DYNC2I1: variants seen among roughly 807,000 people sequenced by gnomAD.
DYNC2I1 encodes the protein cytoplasmic dynein 2 intermediate chain 1.
In DYNC2I1, 89 loss-of-function variants were observed where a neutral mutation model predicts 133.4. The observed-to-expected ratio is 0.67, with a 90% CI of 0.56 to 0.80. DYNC2I1 has a LOEUF of 0.80. Ranked by LOEUF, DYNC2I1 falls within the 30% of genes least tolerant of loss-of-function variation. The pLI, the probability that DYNC2I1 is intolerant of heterozygous loss-of-function variation, is 0.00. For missense variants in DYNC2I1, 1,291 were observed against 1,314.5 expected (o/e 0.98, Z 0.28); for synonymous variants, 504 against 484.3 (o/e 1.04, Z -0.54).
chr7:158,955,603 C>T (rs1212308156), intron 4 of DYNC2I1, among the ~76,000 whole-genome samples: 1 of 152,218 alleles, frequency 6.6e-6, no homozygotes, highest in Non-Finnish European at 1.5e-5. Flanking sequence ...TAGGCGGAGA[C>T]ACCCAGCGCT....
intron 1 of DYNC2I1, 54 bp from the exon 2 acceptor site, chr7:158,869,801 C>A: frequency 6.8e-7 from 1 of 1,459,918 alleles, no homozygotes. Context: ...CAGCTCACTA[C>A]AACACTGAAA....
At chr7:158,936,213 C>T (rs975210290) in intron 23 of DYNC2I1, among the ~76,000 whole-genome samples, 2 of 152,142 alleles carry the variant, frequency 1.3e-5, no homozygotes, top group Non-Finnish European at 2.9e-5. Flanking sequence ...AAAAAAGTCT[C>T]ATTAATAATT....
intron 23 of DYNC2I1, among the ~76,000 whole-genome samples, chr7:158,934,922 C>T (rs2527193): frequency 0.4 from 60,139 of 151,716 alleles, 13,868 homozygotes; most frequent in Non-Finnish European, 0.51. Flanking sequence ...ATTTATGGGG[C>T]GTCAGTGGTT....
chr7:158,876,705 G>A lies in DYNC2I1; in HGVS notation c.573+14G>A, dbSNP rs368608176. 11 of 1,540,862 alleles carry A rather than the reference G, an allele frequency of 7.1e-6. No homozygotes were observed. The highest frequency in any genetic ancestry group is 9.5e-6 in the Non-Finnish European group (11 of 1,152,024). ...CGAGAAAGAAAGGTATACGAAGCAA[G>A]GCCTGGGGAAAAGTTTTCCAAATGT... On this transcript the variant is annotated intron_variant, in intron 4 of 24. Coordinates refer to ENST00000407559, the MANE Select transcript of DYNC2I1 (RefSeq NM_018051.5).
chr7:158,914,797 T>C (rs759838735), intron 14 of DYNC2I1, among the ~76,000 whole-genome samples: 2 of 152,202 alleles, frequency 1.3e-5, no homozygotes, highest in Non-Finnish European at 2.9e-5. Context: ...CTGACCCCCC[T>C]GCCCACTCCA....
intron 23 of DYNC2I1, among the ~76,000 whole-genome samples, chr7:158,935,424 C>T (rs1850654727): frequency 6.6e-6 from 1 of 152,230 alleles, no homozygotes; most frequent in Non-Finnish European, 1.5e-5. Context: ...AATTATATGA[C>T]AGTCAAGGCA....
intron 5 of DYNC2I1, among the ~76,000 whole-genome samples, chr7:158,880,451 CGCTGGAATCTGGGAAGGAGAATT>C (rs1843887866): frequency 6.6e-6 from 1 of 151,818 alleles, no homozygotes; most frequent in South Asian, 2.1e-4. Context: ...GTAGGAGAAT[CGCTGGAATCTGGGAAGGAGAATT>C]GCTGGAACCC....
chr7:158,902,359 A>T lies in DYNC2I1; in HGVS notation c.1138-17A>T. ...AGTTTGTCTTAAAGGGTTCCAAAAG[A>T]TTATTATTGTTTGCAGGACTATGAA... On this transcript the variant is annotated splice_polypyrimidine_tract_variant and intron_variant, in intron 9 of 24. Transcript: ENST00000407559. 1 of 1,604,158 alleles carries T rather than the reference A, an allele frequency of 6.2e-7. No individual in the cohort carries two copies. Among genetic ancestry groups the T allele is most frequent in the Non-Finnish European group, 8.5e-7 (1 of 1,176,548 alleles).
the DYNC2I1 span, among the ~76,000 whole-genome samples, chr7:158,849,234 G>A: frequency 5.3e-5 from 8 of 152,208 alleles, no homozygotes; most frequent in African/African-American, 1.7e-4. Context: ...ATAGGACTAT[G>A]AAATTTGAGA....
At chr7:158,893,498 A>G (rs1325001302) in intron 8 of DYNC2I1, among the ~76,000 whole-genome samples, 1 of 152,180 alleles carries the variant, frequency 6.6e-6, no homozygotes, top group Non-Finnish European at 1.5e-5. Context: ...CACAAAACCT[A>G]TTTTGTAATA....
chr7:158,948,490 T>G (rs566004786), downstream of DYNC2I1, among the ~76,000 whole-genome samples: 3 of 152,370 alleles, frequency 2.0e-5, no homozygotes, highest in South Asian at 4.1e-4. Flanking sequence ...GATACCCCGC[T>G]TGCTGTGCTG....
In DYNC2I1 at chr7:158,918,863, C is replaced by T. The variant is rs773786774; in HGVS notation, c.1915C>T (p.Leu639Phe). Residue 639 changes from leucine (L) to phenylalanine (F), a missense_variant, in exon 15 of 25, where the codon CTT becomes TTT. Physicochemically the swap from Leu to Phe is conservative, Grantham distance 22. Coordinates refer to ENST00000407559, the MANE Select transcript of DYNC2I1 (RefSeq NM_018051.5). Reference protein sequence around the residue: ...SSQLNTSLPFLQNRKVSSLHT... With the variant: ...SSQLNTSLPFFQNRKVSSLHT... ...TCAGCTGAACACCAGTCTACCATTC[C>T]TTCAAAGTAAGAGGCTGTTCTCAAA... is the stretch of plus-strand genomic sequence containing the variant. The T allele has an allele frequency of 1.8e-5, 29 of 1,612,272 alleles. No homozygotes were observed. The highest frequency in any genetic ancestry group is 4.0e-5 in the African/African-American group (3 of 74,886).
At chr7:158,896,662 A>G (rs1329893436) in intron 8 of DYNC2I1, among the ~76,000 whole-genome samples, 1 of 151,882 alleles carries the variant, frequency 6.6e-6, no homozygotes, top group Non-Finnish European at 1.5e-5. Flanking sequence ...TTGTAGAGAC[A>G]GGGTCTTAAG....
At chr7:158,891,189 TG>T (rs55978018) in intron 7 of DYNC2I1, 75 bp from the exon 8 acceptor site, 22 of 1,522,252 alleles carry the variant, frequency 1.4e-5, no homozygotes, top group African/African-American at 9.6e-5. Flanking sequence ...AGTGGTGGGG[TG>T]GGGGGGAGCT....
At chr7:158,859,685 C>G (rs1001357280) in intron 1 of DYNC2I1, among the ~76,000 whole-genome samples, 1 of 152,054 alleles carries the variant, frequency 6.6e-6, no homozygotes, top group Non-Finnish European at 1.5e-5. Context: ...GTATTTTTAG[C>G]AGAGACGGGA....
chr7:158,840,561 C>T, the DYNC2I1 span, among the ~76,000 whole-genome samples: 1,466 of 151,918 alleles, frequency 9.6e-3, 25 homozygotes, highest in African/African-American at 0.034. Context: ...AGCAAGACTC[C>T]GTCTAAAAAA....
chr7:158,850,086 G>A, the DYNC2I1 span, among the ~76,000 whole-genome samples: 4 of 152,364 alleles, frequency 2.6e-5, no homozygotes, highest in Non-Finnish European at 4.4e-5. Context: ...CAGGCAGTGG[G>A]AGTAGACACC....
At chr7:158,915,072 G>A (rs1236745408) in intron 14 of DYNC2I1, among the ~76,000 whole-genome samples, 1 of 128,604 alleles carries the variant, frequency 7.8e-6, no homozygotes, top group African/African-American at 2.6e-5. Flanking sequence ...GATTAAGGAT[G>A]ATTGTGAAAC....
chr7:158,848,454 G>A, the DYNC2I1 span, among the ~76,000 whole-genome samples: 118 of 152,330 alleles, frequency 7.7e-4, no homozygotes, highest in Non-Finnish European at 1.5e-3. Context: ...GAGTCTTACT[G>A]ATGCTTAATT....
Sources: allele counts gnomAD v4.1 joint callset (sites outside exome capture counted in the v4.1 genomes callset), GRCh38; gene constraint gnomAD v4.1.1; transcripts MANE v1.5; gene names NCBI Gene and HGNC (gene_info 2026-07-23, HGNC 2026-07-21).